Variants in GALNT13 observed in about 807,000 individuals in gnomAD.
The protein encoded by GALNT13 is UDP-GalNAc:polypeptide N-acetylgalactosaminyltransferase 13.
GALNT13 carries 28 observed loss-of-function variants against 64.2 expected under a neutral mutation model. The ratio of observed to expected loss-of-function variants is 0.44; its 90% CI spans 0.32 to 0.60. GALNT13 has a LOEUF of 0.60. GALNT13 is among the 20% of genes least tolerant of loss of function. The pLI, the probability that GALNT13 is intolerant of heterozygous loss-of-function variation, is 0.05. For missense variants in GALNT13, 577 were observed against 669.8 expected, an observed-to-expected ratio of 0.86 and a Z score of 1.53; for synonymous variants, 214 against 224.6, an observed-to-expected ratio of 0.95 and a Z score of 0.42.
At chr2:153,144,517 T>G in the GALNT13 span, among the ~76,000 whole-genome samples, 1 of 151,928 alleles carries the variant, frequency 6.6e-6, no homozygotes, top group Admixed American at 6.6e-5. Flanking sequence ...AGAAGTGTAT[T>G]TGAGCACTGG....
the GALNT13 span, among the ~76,000 whole-genome samples, chr2:153,484,889 C>T: frequency 6.4e-4 from 98 of 152,286 alleles, no homozygotes; most frequent in African/African-American, 2.4e-3. Context: ...ATTAGAGTTC[C>T]CCAAACTTGC....
rs542101182 is a variant in GALNT13 at position 154,386,111 on chromosome 2, C to T, written c.1157-9880C>T. ...CTTACCAAGACACCAGAAATTCAGT[C>T]TTAGGTCCTGCTGGTTGCTGCACAG... On this transcript the variant is annotated intron_variant, in intron 9 of 12. Transcript: ENST00000392825. Among the ~76,000 whole-genome samples the T allele has an allele frequency of 3.3e-5, 5 of 151,998 alleles. No individual in the cohort carries two copies. In the East Asian group the frequency reaches 9.7e-4, roughly 29 times the overall value.
chr2:153,657,973 A>G, the GALNT13 span, among the ~76,000 whole-genome samples: 2 of 152,088 alleles, frequency 1.3e-5, no homozygotes, highest in African/African-American at 4.8e-5. Context: ...TGCCTTCTGC[A>G]GCATAGGGTT....
At chr2:153,362,461 G>A in the GALNT13 span, among the ~76,000 whole-genome samples, 4 of 147,326 alleles carry the variant, frequency 2.7e-5, no homozygotes, top group East Asian at 2.1e-4. Flanking sequence ...AGACCCATCC[G>A]TGTACTATTT....
chr2:154,296,416 T>G (rs1290931353), intron 8 of GALNT13, among the ~76,000 whole-genome samples: 3 of 152,228 alleles, frequency 2.0e-5, no homozygotes, highest in Admixed American at 6.5e-5. Flanking sequence ...GTCTCTCCAT[T>G]CAGTTAGCTC....
At chr2:153,096,430 GTT>G in the GALNT13 span, among the ~76,000 whole-genome samples, 30 of 152,068 alleles carry the variant, frequency 2.0e-4, no homozygotes, top group African/African-American at 7.2e-4. Flanking sequence ...TGATTTTTCT[GTT>G]TTGAAGATCT....
chr2:153,795,535 TG>T, the GALNT13 span, among the ~76,000 whole-genome samples: 1 of 152,014 alleles, frequency 6.6e-6, no homozygotes, highest in African/African-American at 2.4e-5. Flanking sequence ...TTTTTTTTTT[TG>T]TTCCTTTTCT....
the GALNT13 span, among the ~76,000 whole-genome samples, chr2:153,763,902 G>A: frequency 3.3e-5 from 5 of 151,796 alleles, no homozygotes; most frequent in African/African-American, 7.3e-5. Flanking sequence ...GAGACTTGGA[G>A]GGCTCAGAAG....
chr2:153,142,163 G>A, the GALNT13 span, among the ~76,000 whole-genome samples: 2 of 152,060 alleles, frequency 1.3e-5, no homozygotes, highest in Non-Finnish European at 2.9e-5. Flanking sequence ...TTCTGCCATA[G>A]TAGTGGTGCT....
the GALNT13 span, among the ~76,000 whole-genome samples, chr2:153,538,540 C>A: frequency 1.1e-4 from 7 of 64,136 alleles, no homozygotes; most frequent in East Asian, 3.5e-3. Flanking sequence ...ATCCCTCCCC[C>A]CTCCCCCCAC....
chr2:153,773,591 T>A, the GALNT13 span, among the ~76,000 whole-genome samples: 2 of 152,196 alleles, frequency 1.3e-5, no homozygotes, highest in South Asian at 4.1e-4. Flanking sequence ...TTTTCTAGGT[T>A]TTTTTTCTCT....
At chr2:153,253,914 T>C in the GALNT13 span, among the ~76,000 whole-genome samples, 22,741 of 152,212 alleles carry the variant, frequency 0.15, 2,107 homozygotes, top group Non-Finnish European at 0.21. Flanking sequence ...ATCAAGGATA[T>C]TGGTCTAAAA....
chr2:154,378,819 G>A (rs1205101028), intron 9 of GALNT13, among the ~76,000 whole-genome samples: 2 of 151,936 alleles, frequency 1.3e-5, no homozygotes, highest in South Asian at 2.1e-4. Flanking sequence ...CAATTACAAT[G>A]TGTCAATGGA....
intron 3 of GALNT13, among the ~76,000 whole-genome samples, chr2:154,111,500 G>A (rs1436556674): frequency 1.3e-5 from 2 of 152,168 alleles, no homozygotes; most frequent in African/African-American, 4.8e-5. Context: ...AAAGTGTCCA[G>A]GTGCCAATGT....
At chr2:153,818,227 C>T in the GALNT13 span, among the ~76,000 whole-genome samples, 3 of 152,250 alleles carry the variant, frequency 2.0e-5, no homozygotes, top group East Asian at 1.9e-4. Context: ...CGAGGGACTC[C>T]GGATTGACAA....
At chr2:154,299,730 T>C (rs1693316873) in intron 8 of GALNT13, among the ~76,000 whole-genome samples, 1 of 151,966 alleles carries the variant, frequency 6.6e-6, no homozygotes. Flanking sequence ...CCCAAAGTGC[T>C]GGGATTACAG....
the GALNT13 span, among the ~76,000 whole-genome samples, chr2:153,408,915 C>T: frequency 1.3e-5 from 2 of 152,088 alleles, no homozygotes; most frequent in South Asian, 4.2e-4. Flanking sequence ...TGGACACCAT[C>T]CCCTTGGCTG....
At chr2:153,649,489 T>C in the GALNT13 span, among the ~76,000 whole-genome samples, 1 of 146,036 alleles carries the variant, frequency 6.8e-6, no homozygotes, top group African/African-American at 2.5e-5. Context: ...ATTTTAGTTA[T>C]TTCTTGCCTT....
chr2:153,691,866 T>C, the GALNT13 span, among the ~76,000 whole-genome samples: 1 of 152,276 alleles, frequency 6.6e-6, no homozygotes, highest in Admixed American at 6.5e-5. Context: ...TAAAAAATTT[T>C]ATTCCTGGGA....
Sources: allele counts gnomAD v4.1 joint callset (sites outside exome capture counted in the v4.1 genomes callset), GRCh38; gene constraint gnomAD v4.1.1; transcripts MANE v1.5; gene names NCBI Gene and HGNC (gene_info 2026-07-23, HGNC 2026-07-21).